Variants in HS3ST3B1 observed in about 807,000 individuals in gnomAD.
The protein encoded by HS3ST3B1 is heparan sulfate-glucosamine 3-sulfotransferase 3B1, also known as heparan sulfate glucosamine 3-O-sulfotransferase 3B1.
A neutral mutation model predicts 21.3 loss-of-function variants in HS3ST3B1; 13 were observed. The ratio of observed to expected loss-of-function variants is 0.61; its 90% CI spans 0.40 to 0.97. The LOEUF (loss-of-function observed/expected upper bound fraction) is 0.97. HS3ST3B1 is among the 50% of genes least tolerant of loss of function. The probability of loss-of-function intolerance (pLI) is 0.00; values close to 1 mark genes in which losing one functional copy is unlikely to be tolerated. For synonymous variants in HS3ST3B1, 234 were observed against 254.8 expected, an observed-to-expected ratio of 0.92 and a Z score of 0.78; for missense variants, 459 against 554.8, an observed-to-expected ratio of 0.83 and a Z score of 1.73.
intron 1 of HS3ST3B1, among the ~76,000 whole-genome samples, chr17:14,302,345 A>T (rs946190605): frequency 2.6e-5 from 4 of 152,208 alleles, no homozygotes; most frequent in Non-Finnish European, 4.4e-5. Flanking sequence ...AAGGGCAGCG[A>T]CTGAGACCGC....
intron 1 of HS3ST3B1, chr17:14,304,406 C>T (rs1233219601): frequency 6.6e-6 from 1 of 152,194 alleles, no homozygotes; most frequent in Admixed American, 6.5e-5. Flanking sequence ...GGATATTTTC[C>T]AAGGGGGAAA....
chr17:14,334,923 T>C (rs373810887), intron 1 of HS3ST3B1, among the ~76,000 whole-genome samples: 9 of 152,164 alleles, frequency 5.9e-5, no homozygotes, highest in African/African-American at 2.2e-4. Flanking sequence ...CTAGACAGAT[T>C]TGTGACTGTG....
At chr17:14,338,691 C>G (rs1446033344) in intron 1 of HS3ST3B1, among the ~76,000 whole-genome samples, 1 of 148,784 alleles carries the variant, frequency 6.7e-6, no homozygotes, top group Non-Finnish European at 1.5e-5. Flanking sequence ...GATCCAGCTG[C>G]CTTAGCCTCC....
At chr17:14,340,580 C>G (rs996343368) in intron 1 of HS3ST3B1, among the ~76,000 whole-genome samples, 2 of 151,964 alleles carry the variant, frequency 1.3e-5, no homozygotes, top group Admixed American at 6.6e-5. Flanking sequence ...TGATTAATTA[C>G]TCTTTTCTTT....
At chr17:14,314,297 T>G (rs369638458) in intron 1 of HS3ST3B1, among the ~76,000 whole-genome samples, 1 of 152,176 alleles carries the variant, frequency 6.6e-6, no homozygotes, top group African/African-American at 2.4e-5. Flanking sequence ...TTATTTAAAT[T>G]TTTATTTACA....
chr17:14,317,831 A>G (rs1482633831), intron 1 of HS3ST3B1, among the ~76,000 whole-genome samples: 1 of 152,192 alleles, frequency 6.6e-6, no homozygotes, highest in African/African-American at 2.4e-5. Context: ...GACATTCACA[A>G]GCTTTATATG....
chr17:14,334,038 GGC>G (rs1910108541), intron 1 of HS3ST3B1, among the ~76,000 whole-genome samples: 1 of 152,204 alleles, frequency 6.6e-6, no homozygotes, highest in Non-Finnish European at 1.5e-5. Flanking sequence ...TGGGATTACA[GGC>G]GTGAGCCACC....
At chr17:14,315,814 T>A (rs1406367548) in intron 1 of HS3ST3B1, among the ~76,000 whole-genome samples, 1 of 135,124 alleles carries the variant, frequency 7.4e-6, no homozygotes, top group African/African-American at 3.1e-5. Context: ...AGAGTGAGAC[T>A]CCATCTCAAA....
rs1217352815 is a variant in HS3ST3B1 at position 14,348,829 on chromosome 17, G to A, written c.*3183G>A. The A allele has an allele frequency of 6.6e-6, 1 of 152,112 alleles. No individual in the cohort carries two copies. The highest frequency in any genetic ancestry group is 2.4e-5 in the African/African-American group (1 of 41,428). The allele number at this position is 152,112 out of a possible 1,614,324, so 9.4% of individuals were successfully genotyped here. ...CTTTCTTTGCGGTGTTTGAACAGTA[G>A]TCTGTTAACTTAGTAGGTGGTACCT... On this transcript the variant is annotated 3_prime_UTR_variant, in exon 2 of 2. Coordinates refer to ENST00000360954, the MANE Select transcript of HS3ST3B1 (RefSeq NM_006041.3).
At chr17:14,334,072 C>T (rs9915747) in intron 1 of HS3ST3B1, among the ~76,000 whole-genome samples, 11,423 of 152,184 alleles carry the variant, frequency 0.075, 566 homozygotes, top group African/African-American at 0.14. Context: ...AGGCTGAGAA[C>T]CTTTAAATAT....
At chr17:14,302,535 G>A (rs1396792888) in intron 1 of HS3ST3B1, among the ~76,000 whole-genome samples, 1 of 152,182 alleles carries the variant, frequency 6.6e-6, no homozygotes, top group East Asian at 1.9e-4. Context: ...ATGGGGAGAG[G>A]GGGTGGGGGC....
chr17:14,332,442 G>C (rs939863212), intron 1 of HS3ST3B1, among the ~76,000 whole-genome samples: 1 of 151,774 alleles, frequency 6.6e-6, no homozygotes, highest in African/African-American at 2.4e-5. Flanking sequence ...TTGCCTGGCA[G>C]CTTGGAAGTT....
At chr17:14,342,717 A>G (rs1278983413) in intron 1 of HS3ST3B1, among the ~76,000 whole-genome samples, 10 of 152,218 alleles carry the variant, frequency 6.6e-5, no homozygotes, top group Admixed American at 3.9e-4. Flanking sequence ...AAAGTTAAAT[A>G]AAGTATTCAA....
At chr17:14,326,921 C>CAAAAAAAA (rs60800866) in intron 1 of HS3ST3B1, among the ~76,000 whole-genome samples, 18 of 60,450 alleles carry the variant, frequency 3.0e-4, no homozygotes, top group South Asian at 6.7e-4. Flanking sequence ...AACTCTGTCT[C>CAAAAAAAA]AAAAAAAAAA....
chr17:14,325,521 A>T (rs1276887744), intron 1 of HS3ST3B1, among the ~76,000 whole-genome samples: 1 of 152,226 alleles, frequency 6.6e-6, no homozygotes, highest in Non-Finnish European at 1.5e-5. Context: ...AAGAATCAAG[A>T]ATTATATTGG....
intron 1 of HS3ST3B1, among the ~76,000 whole-genome samples, chr17:14,324,540 C>T (rs78798976): frequency 0.022 from 3,323 of 152,210 alleles, 109 homozygotes; most frequent in African/African-American, 0.075. Context: ...ATTAGCTGCC[C>T]CTTCTTTTAC....
At chr17:14,306,626 T>C (rs974448166) in intron 1 of HS3ST3B1, among the ~76,000 whole-genome samples, 4 of 152,232 alleles carry the variant, frequency 2.6e-5, no homozygotes, top group African/African-American at 9.6e-5. Flanking sequence ...ATTTTAAATT[T>C]AACAAATGCT....
At chr17:14,335,372 A>G (rs1474021841) in intron 1 of HS3ST3B1, among the ~76,000 whole-genome samples, 3 of 152,088 alleles carry the variant, frequency 2.0e-5, no homozygotes, top group Non-Finnish European at 1.5e-5. Context: ...GTCTTTAAAG[A>G]AAAAAAAGCA....
intron 1 of HS3ST3B1, among the ~76,000 whole-genome samples, chr17:14,309,408 GGGCTGAGCCT>G (rs1169590643): frequency 6.6e-5 from 10 of 152,332 alleles, no homozygotes; most frequent in African/African-American, 2.2e-4. Context: ...CTCACCTGTT[GGGCTGAGCCT>G]GGCTGAGCGG....
Sources: allele counts gnomAD v4.1 joint callset (sites outside exome capture counted in the v4.1 genomes callset), GRCh38; gene constraint gnomAD v4.1.1; transcripts MANE v1.5; gene names NCBI Gene and HGNC (gene_info 2026-07-23, HGNC 2026-07-21).